The following MTPAP variants were observed in gnomAD, a reference collection of about 807,000 sequenced individuals.
The protein encoded by MTPAP is poly(A) RNA polymerase, mitochondrial.
A neutral mutation model predicts 48.7 loss-of-function variants in MTPAP; 23 were observed. The observed-to-expected ratio is 0.47, with a 90% CI of 0.34 to 0.67. The LOEUF (loss-of-function observed/expected upper bound fraction) is 0.67, where lower values mean the gene tolerates loss of function less well. Ranked by LOEUF, MTPAP falls within the 30% of genes least tolerant of loss-of-function variation. MTPAP has a pLI of 0.01. For missense variants in MTPAP, 614 were observed against 694.3 expected, an observed-to-expected ratio of 0.88 and a Z score of 1.30; for synonymous variants, 257 against 254.1, an observed-to-expected ratio of 1.01 and a Z score of -0.11.
intron 4 of MTPAP, among the ~76,000 whole-genome samples, chr10:30,328,973 G>A (rs892375937): frequency 6.6e-6 from 1 of 152,056 alleles, no homozygotes; most frequent in Non-Finnish European, 1.5e-5. Context: ...ATCATAGGCT[G>A]CCTGTGGTGG....
intron 4 of MTPAP, among the ~76,000 whole-genome samples, chr10:30,331,508 A>G (rs544499558): frequency 6.6e-6 from 1 of 152,266 alleles, no homozygotes; most frequent in Non-Finnish European, 1.5e-5. Context: ...CATATTTCAC[A>G]TGTAACCAAC....
chr10:30,327,887 A>T (rs952169525), intron 4 of MTPAP, among the ~76,000 whole-genome samples: 9 of 152,166 alleles, frequency 5.9e-5, no homozygotes, highest in African/African-American at 2.2e-4. Flanking sequence ...CATGGATCAA[A>T]GACTAAAATG....
chr10:30,340,816 G>A (rs1834795557), intron 2 of MTPAP, among the ~76,000 whole-genome samples: 1 of 152,128 alleles, frequency 6.6e-6, no homozygotes, highest in Non-Finnish European at 1.5e-5. Flanking sequence ...CTACTTGGAA[G>A]GCTGAGGCAG....
In MTPAP at chr10:30,341,586, C is replaced by T; in HGVS notation, c.212G>A (p.Arg71Gln). ...RRFSEMQNER[R>Q]EQAQRTVLIH... Reference sequence around the variant, plus strand: ...TAAAACAGTCCGCTGTGCCTGTTCTCGTCTTTCATTTTGCATCTCAGAGAA... The same window carrying T: ...TAAAACAGTCCGCTGTGCCTGTTCTTGTCTTTCATTTTGCATCTCAGAGAA... Residue 71 changes from arginine to glutamine, a missense_variant, in exon 2 of 9, where the codon CGA (arginine) becomes CAA (glutamine). By Grantham distance (43) the Arg-to-Gln change is conservative. This residue lies in a region of MTPAP where 125 missense variants were observed against 111.5 expected (regional missense o/e 1.12). Coordinates refer to ENST00000263063, the MANE Select transcript of MTPAP (RefSeq NM_018109.4). 1.9e-6 allele frequency: 3 copies of T among 1,614,106 alleles called. No homozygotes were observed. Among genetic ancestry groups the T allele is most frequent in the Non-Finnish European group, 2.5e-6 (3 of 1,180,000 alleles).
chr10:30,341,334 A>T, intron 2 of MTPAP, 134 bp downstream of exon 2: 2 of 1,130,770 alleles, frequency 1.8e-6, no homozygotes, highest in Non-Finnish European at 2.4e-6. Flanking sequence ...AAAGAAATCT[A>T]GATAAAGAAG....
At chr10:30,345,249 T>C (rs769971272) in intron 1 of MTPAP, among the ~76,000 whole-genome samples, 5 of 152,238 alleles carry the variant, frequency 3.3e-5, no homozygotes, top group African/African-American at 4.8e-5. Flanking sequence ...TATCAGAAGA[T>C]ACACATTTAC....
chr10:30,328,175 A>T (rs1305965099), intron 4 of MTPAP, among the ~76,000 whole-genome samples: 1 of 152,248 alleles, frequency 6.6e-6, no homozygotes, highest in Non-Finnish European at 1.5e-5. Context: ...AGACAAAAAA[A>T]TTCACAGAAA....
intron 3 of MTPAP, among the ~76,000 whole-genome samples, chr10:30,339,489 A>T (rs1183903400): frequency 6.6e-6 from 1 of 152,036 alleles, no homozygotes; most frequent in Admixed American, 6.6e-5. Flanking sequence ...TCAAAAAAAA[A>T]AAAAAAAAAA....
chr10:30,341,435 A>C (rs1293917056), intron 2 of MTPAP, 33 bp downstream of exon 2: 2 of 1,599,956 alleles, frequency 1.3e-6, no homozygotes, highest in Middle Eastern at 3.7e-4. Context: ...GAAAAGCATA[A>C]ACGTTAAGTT....
At chr10:30,340,911 T>G (rs897540340) in intron 2 of MTPAP, among the ~76,000 whole-genome samples, 2 of 132,752 alleles carry the variant, frequency 1.5e-5, no homozygotes, top group Admixed American at 1.7e-4. Flanking sequence ...AGAGTGAGAC[T>G]CCATGTCAAA....
intron 8 of MTPAP, among the ~76,000 whole-genome samples, 174 bp downstream of exon 8, chr10:30,315,789 T>C (rs1281894000): frequency 1.3e-5 from 2 of 152,220 alleles, no homozygotes; most frequent in Non-Finnish European, 2.9e-5. Flanking sequence ...CATAAAGGGA[T>C]GACTGATCTT....
intron 8 of MTPAP, among the ~76,000 whole-genome samples, chr10:30,314,890 A>C (rs11007979): frequency 0.026 from 3,708 of 142,582 alleles, 163 homozygotes; most frequent in African/African-American, 0.093. Flanking sequence ...AAAACAAAAA[A>C]AAAAAAAAAA....
chr10:30,340,766 A>C (rs1588721116), intron 2 of MTPAP, among the ~76,000 whole-genome samples: 1 of 152,078 alleles, frequency 6.6e-6, no homozygotes, highest in African/African-American at 2.4e-5. Flanking sequence ...TAAAAATACA[A>C]AAATTAGCCA....
In MTPAP at chr10:30,312,742, T is replaced by A. The variant is rs1054353250; in HGVS notation, c.*867A>T. The stretch of plus-strand genomic sequence containing the variant: ...ATGGTCCTGGAACCAATTTTCTGCA[T>A]ATACTGAGAGACAAATATGTCTCTT... On this transcript the variant is annotated 3_prime_UTR_variant, in exon 9 of 9. Transcript: ENST00000263063. The A allele has an allele frequency of 5.9e-5, 9 of 152,066 alleles. No homozygotes were observed. Among genetic ancestry groups the A allele is most frequent in the Non-Finnish European group, 1.3e-4 (9 of 68,022 alleles). The allele number at this position is 152,066 out of a possible 1,614,324, so 9.4% of individuals were successfully genotyped here.
In MTPAP at chr10:30,342,103, G is replaced by C. The variant is rs370441219; in HGVS notation, c.158-463C>G. ...ATACAAAAATTAGCCAGGCATGGTGGCGCGCGCCTGTAGTCCCAGCTACTT... is the reference window on the plus strand; with the variant it reads ...ATACAAAAATTAGCCAGGCATGGTGCCGCGCGCCTGTAGTCCCAGCTACTT... On this transcript the variant is annotated intron_variant, in intron 1 of 8. Coordinates refer to ENST00000263063, the MANE Select transcript of MTPAP (RefSeq NM_018109.4). Among the ~76,000 whole-genome samples, 11 of 152,186 alleles carry C rather than the reference G, an allele frequency of 7.2e-5. 1 individual carries two copies. The highest frequency in any genetic ancestry group is 2.7e-4 in the African/African-American group (11 of 41,490).
Position 30,323,141 on chromosome 10 carries a change from A to AAAG in MTPAP, c.993-525_993-524insCTT, listed in dbSNP as rs1229131710. On this transcript the variant is annotated intron_variant, in intron 5 of 8. Transcript: ENST00000263063. ...AAGACTCCGTTTCAAAAAAAAAAAA[A>AAAG]AAAAAAAAAGAAAGAAAATGTAGAT... 3.2e-3 allele frequency among the ~76,000 whole-genome samples: 475 copies of AAAG among 147,360 alleles called. 6 individuals carry two copies. Among genetic ancestry groups the AAAG allele is most frequent in the African/African-American group, 0.011 (433 of 39,112 alleles).
At chr10:30,316,687 C>T (rs1331808216) in intron 6 of MTPAP, among the ~76,000 whole-genome samples, 2 of 151,128 alleles carry the variant, frequency 1.3e-5, no homozygotes, top group Non-Finnish European at 3.0e-5. Context: ...GTCAGGAGTT[C>T]GAGACCAGCC....
chr10:30,313,428 G>T lies in MTPAP; in HGVS notation c.*181C>A. On this transcript the variant is annotated 3_prime_UTR_variant, in exon 9 of 9. Transcript: ENST00000263063. The stretch of plus-strand genomic sequence containing the variant: ...TTTAATAAAGTGCCACTGAGTATCA[G>T]ACTGATCAAACTGAAAACATCCCAG... The T allele has an allele frequency of 2.5e-6, 2 of 808,818 alleles. No individual in the cohort carries two copies. Among genetic ancestry groups the T allele is most frequent in the Non-Finnish European group, 4.0e-6 (2 of 500,534 alleles). The allele number at this position is 808,818 out of a possible 1,614,324, so 50.1% of individuals were successfully genotyped here.
rs1840588222 is a variant in MTPAP at position 30,311,102 on chromosome 10, T to A, written c.*2507A>T. 1 of 152,112 alleles carries A rather than the reference T, an allele frequency of 6.6e-6. No individual in the cohort carries two copies. The allele number at this position is 152,112 out of a possible 1,614,324, so 9.4% of individuals were successfully genotyped here. A position where few individuals can be genotyped will look rare whatever the true frequency, so the allele number is the denominator to read the frequency against. On this transcript the variant is annotated 3_prime_UTR_variant, in exon 9 of 9. Transcript: ENST00000263063. ...CAACCTAAAAAAGAAAATATCTGACTAAATATCTGTGAACAGAAAAAAAAA... is the reference window on the plus strand; with the variant it reads ...CAACCTAAAAAAGAAAATATCTGACAAAATATCTGTGAACAGAAAAAAAAA...
Sources: allele counts gnomAD v4.1 joint callset (sites outside exome capture counted in the v4.1 genomes callset), GRCh38; gene constraint gnomAD v4.1.1; regional missense constraint gnomAD v4.1.1; transcripts MANE v1.5; gene names NCBI Gene and HGNC (gene_info 2026-07-23, HGNC 2026-07-21).